The following SLC12A7 variants were observed in gnomAD, a reference collection of about 807,000 sequenced individuals.
The protein encoded by SLC12A7 is K-Cl cotransporter 4.
SLC12A7 carries 100 observed loss-of-function variants against 120.6 expected under a neutral mutation model. The observed-to-expected ratio is 0.83, with a 90% CI of 0.71 to 0.98. SLC12A7 has a LOEUF of 0.98. Ranked by LOEUF, SLC12A7 falls within the 50% of genes least tolerant of loss-of-function variation. The pLI, the probability that SLC12A7 is intolerant of heterozygous loss-of-function variation, is 0.00. For synonymous variants in SLC12A7, 760 were observed against 678.0 expected, an observed-to-expected ratio of 1.12 and a Z score of -1.88; for missense variants, 1,373 against 1,548.1, an observed-to-expected ratio of 0.89 and a Z score of 1.90.
chr5:1,056,790 A>C (rs1042892175), intron 22 of SLC12A7, among the ~76,000 whole-genome samples: 2 of 152,132 alleles, frequency 1.3e-5, no homozygotes, highest in African/African-American at 4.8e-5. Flanking sequence ...TTGCGCTCTC[A>C]TCTGGAACTC....
chr5:1,065,170 G>A, intron 18 of SLC12A7, 113 bp downstream of exon 18: 2 of 638,636 alleles, frequency 3.1e-6, no homozygotes, highest in East Asian at 3.1e-5. Flanking sequence ...AAAGGGGACA[G>A]TGAGAGGACA....
intron 12 of SLC12A7, among the ~76,000 whole-genome samples, chr5:1,077,369 C>T (rs770187099): frequency 4.6e-5 from 7 of 152,210 alleles, no homozygotes; most frequent in Non-Finnish European, 8.8e-5. Context: ...GGAGGAGCCA[C>T]AATCGGCAGC....
At chr5:1,155,366 C>T in the SLC12A7 span, among the ~76,000 whole-genome samples, 890 of 152,266 alleles carry the variant, frequency 5.8e-3, 12 homozygotes, top group South Asian at 0.023. Flanking sequence ...GAAGTGACCC[C>T]GTCTGGACTC....
chr5:1,080,169 C>T lies in SLC12A7; in HGVS notation c.1298-673G>A, dbSNP rs570784740. Among the ~76,000 whole-genome samples the T allele has an allele frequency of 3.4e-4, 52 of 151,270 alleles. 1 individual carries two copies. Among genetic ancestry groups the T allele is most frequent in the South Asian group, 2.3e-3 (11 of 4,762 alleles). The stretch of plus-strand genomic sequence containing the variant: ...AGGCTCTGCCCCCACGCCCTCCACC[C>T]GCGGCTCAGAGACACCCGGAGCCAC... On this transcript the variant is annotated intron_variant, in intron 9 of 23. Coordinates refer to ENST00000264930, the MANE Select transcript of SLC12A7 (RefSeq NM_006598.3).
At chr5:1,127,588 G>T in the SLC12A7 span, among the ~76,000 whole-genome samples, 3 of 152,230 alleles carry the variant, frequency 2.0e-5, no homozygotes, top group African/African-American at 7.2e-5. Context: ...CGAGGAAACT[G>T]ATGGATATAC....
chr5:1,106,950 G>A (rs1183216374), intron 1 of SLC12A7, among the ~76,000 whole-genome samples: 1 of 152,198 alleles, frequency 6.6e-6, no homozygotes, highest in African/African-American at 2.4e-5. Flanking sequence ...TTGCTGCTCT[G>A]CTCGCCGGAG....
chr5:1,124,277 G>A, the SLC12A7 span, among the ~76,000 whole-genome samples: 1 of 152,172 alleles, frequency 6.6e-6, no homozygotes, highest in Non-Finnish European at 1.5e-5. Flanking sequence ...ATCCCTCACT[G>A]TTTTCGAGGA....
the SLC12A7 span, among the ~76,000 whole-genome samples, chr5:1,122,054 C>T: frequency 6.6e-6 from 1 of 152,144 alleles, no homozygotes; most frequent in Non-Finnish European, 1.5e-5. Context: ...GTCTCCCAGC[C>T]TCTCTGCCTT....
chr5:1,119,657 A>C, the SLC12A7 span, among the ~76,000 whole-genome samples: 2 of 152,202 alleles, frequency 1.3e-5, no homozygotes, highest in East Asian at 3.8e-4. Context: ...TCCTCTCCCC[A>C]GCACCCTTTC....
chr5:1,111,076 G>A (rs1742964332), intron 1 of SLC12A7, among the ~76,000 whole-genome samples: 1 of 152,296 alleles, frequency 6.6e-6, no homozygotes, highest in African/African-American at 2.4e-5. Flanking sequence ...GCCAGCACGC[G>A]GGGTGGGGGC....
chr5:1,088,858 T>C (rs1740177002), intron 4 of SLC12A7, 124 bp downstream of exon 4: 2 of 1,281,602 alleles, frequency 1.6e-6, no homozygotes, highest in African/African-American at 2.9e-5. Context: ...AGGGCCCTAC[T>C]GTCCGGCTGC....
rs374318225 is a variant in SLC12A7, at chr5:1,093,499, G to A, written c.342+34C>T. 2.1e-5 allele frequency: 33 copies of A among 1,561,336 alleles called. No homozygotes were observed. In the African/African-American group the frequency reaches 4.3e-4, roughly 20 times the overall value. On this transcript the variant is annotated intron_variant, in intron 3 of 23. Coordinates refer to ENST00000264930, the MANE Select transcript of SLC12A7 (RefSeq NM_006598.3). ...CTAACCCTGCCGGGACACACGGGGC[G>A]GGGACTGGGCGGGCACGGGCAGGGT... is the stretch of plus-strand genomic sequence containing the variant.
At chr5:1,130,956 A>C in the SLC12A7 span, among the ~76,000 whole-genome samples, 2 of 151,844 alleles carry the variant, frequency 1.3e-5, no homozygotes, top group Non-Finnish European at 2.9e-5. Context: ...CTCACGTCGG[A>C]GGGTGGTCTG....
chr5:1,087,906 G>A (rs1163456490), intron 5 of SLC12A7, among the ~76,000 whole-genome samples: 1 of 152,120 alleles, frequency 6.6e-6, no homozygotes, highest in Non-Finnish European at 1.5e-5. Context: ...ATTATGTATT[G>A]TAATTAACTT....
At chr5:1,074,733 G>C (rs1196835271) in intron 15 of SLC12A7, 62 bp from the exon 16 acceptor site, 1 of 1,500,078 alleles carries the variant, frequency 6.7e-7, no homozygotes. Context: ...TCCCACCTGG[G>C]AAAGGGGACT....
intron 22 of SLC12A7, chr5:1,057,150 C>A: frequency 3.4e-6 from 1 of 292,588 alleles, no homozygotes. Context: ...GACCCCTCAG[C>A]GCTTGGCACT....
chr5:1,058,478 G>A (rs1253688882), intron 21 of SLC12A7, among the ~76,000 whole-genome samples: 4 of 152,240 alleles, frequency 2.6e-5, no homozygotes, highest in Non-Finnish European at 4.4e-5. Context: ...CTGGAGCCCC[G>A]CCTGAGTTTG....
chr5:1,148,847 A>G, the SLC12A7 span, among the ~76,000 whole-genome samples: 14 of 152,244 alleles, frequency 9.2e-5, no homozygotes, highest in African/African-American at 3.4e-4. Flanking sequence ...TTTGGGATCT[A>G]TCTGCTTCCT....
At chr5:1,089,780 C>T (rs79689524) in intron 3 of SLC12A7, among the ~76,000 whole-genome samples, 3,578 of 152,294 alleles carry the variant, frequency 0.023, 153 homozygotes, top group African/African-American at 0.081. Context: ...CTGAGAAAAC[C>T]CACATGGGCA....
Sources: gnomAD v4.1 joint callset for allele counts (sites outside exome capture counted in the v4.1 genomes callset) on GRCh38, gnomAD v4.1.1 for gene constraint, MANE v1.5 for transcripts, NCBI Gene and HGNC (gene_info 2026-07-23, HGNC 2026-07-21) for gene names.